HSD17B6: variants seen among roughly 807,000 people sequenced by gnomAD.
The protein encoded by HSD17B6 is hydroxysteroid 17-beta dehydrogenase 6.
In HSD17B6, 16 loss-of-function variants were observed where a neutral mutation model predicts 26.4. That is an observed-to-expected ratio of 0.61 (90% confidence interval 0.41 to 0.92). The LOEUF (loss-of-function observed/expected upper bound fraction) is 0.92, where lower values mean the gene tolerates loss of function less well. Among genes scored for constraint, HSD17B6 ranks in the 40% least tolerant of loss-of-function variants. The probability of loss-of-function intolerance (pLI) is 0.00; values close to 1 mark genes in which losing one functional copy is unlikely to be tolerated. For synonymous variants in HSD17B6, 139 were observed against 153.0 expected (o/e 0.91, Z 0.68); for missense variants, 357 against 386.1 (o/e 0.92, Z 0.63).
chr12:56,771,153 T>C (rs947257363), intron 1 of HSD17B6, among the ~76,000 whole-genome samples: 2 of 152,198 alleles, frequency 1.3e-5, no homozygotes, highest in African/African-American at 4.8e-5. Flanking sequence ...TGAGACTTTC[T>C]TGGGGCTCTA....
rs148485462 is a variant in HSD17B6 at position 56,787,747 on chromosome 12, G to A, written c.*405G>A. ...GTTTGTCCTTACTTGAAATGGGTCT[G>A]TATTATGGTACTTTTAATAAATATT... On this transcript the variant is annotated 3_prime_UTR_variant, in exon 5 of 5. Transcript: ENST00000322165. 2.1e-3 allele frequency: 322 copies of A among 154,914 alleles called. 5 individuals carry two copies. The highest frequency in any genetic ancestry group is 5.1e-3 in the East Asian group (27 of 5,248). The allele number at this position is 154,914 out of a possible 1,614,324, so 9.6% of individuals were successfully genotyped here.
chr12:56,783,975 G>T (rs1312747573), intron 3 of HSD17B6, among the ~76,000 whole-genome samples: 4 of 151,978 alleles, frequency 2.6e-5, no homozygotes, highest in Admixed American at 6.5e-5. Context: ...CAGCCGGGCA[G>T]AGATGCTCCT....
intron 2 of HSD17B6, among the ~76,000 whole-genome samples, chr12:56,781,628 C>A (rs1162137570): frequency 2.0e-5 from 3 of 152,088 alleles, no homozygotes; most frequent in African/African-American, 4.8e-5. Context: ...ATGGTGAAAC[C>A]CCATCTCTAC....
chr12:56,771,443 T>C (rs1305819263), intron 1 of HSD17B6, among the ~76,000 whole-genome samples: 2 of 143,310 alleles, frequency 1.4e-5, no homozygotes, highest in East Asian at 4.2e-4. Context: ...TCGGCAAGGG[T>C]TGCAATTTTT....
At chr12:56,766,183 A>T (rs1398565564) in intron 1 of HSD17B6, among the ~76,000 whole-genome samples, 2 of 151,960 alleles carry the variant, frequency 1.3e-5, no homozygotes, top group Non-Finnish European at 2.9e-5. Context: ...CAAATCCTAT[A>T]AAATGACCCC....
chr12:56,786,089 T>C (rs1954866994), intron 4 of HSD17B6: 1 of 269,428 alleles, frequency 3.7e-6, no homozygotes, highest in Non-Finnish European at 5.7e-6. Flanking sequence ...ACTCTGAATA[T>C]ACTAAAAATT....
chr12:56,767,359 A>G (rs1469242430), intron 1 of HSD17B6, among the ~76,000 whole-genome samples: 1 of 151,280 alleles, frequency 6.6e-6, no homozygotes, highest in Non-Finnish European at 1.5e-5. Context: ...AAAAAATAAA[A>G]AAAAAAAATT....
intron 1 of HSD17B6, among the ~76,000 whole-genome samples, chr12:56,768,642 C>T (rs1954397286): frequency 6.6e-6 from 1 of 151,406 alleles, no homozygotes; most frequent in African/African-American, 2.4e-5. Context: ...GGAAGGAGAG[C>T]TAGGTAAACA....
At chr12:56,775,931 T>A (rs919374515) in intron 2 of HSD17B6, among the ~76,000 whole-genome samples, 1 of 152,190 alleles carries the variant, frequency 6.6e-6, no homozygotes, top group African/African-American at 2.4e-5. Context: ...ATAGTTGGAA[T>A]CATATTTTTT....
At chr12:56,786,464 G>A (rs922859877) in intron 4 of HSD17B6, among the ~76,000 whole-genome samples, 1 of 152,086 alleles carries the variant, frequency 6.6e-6, no homozygotes, top group South Asian at 2.1e-4. Context: ...TGGCCATGCC[G>A]GTCTCGAACT....
At chr12:56,781,380 C>T (rs768383238) in intron 2 of HSD17B6, among the ~76,000 whole-genome samples, 6 of 152,072 alleles carry the variant, frequency 3.9e-5, no homozygotes, top group Middle Eastern at 3.4e-3. Context: ...ACTATTAAAC[C>T]TGTCTAACAA....
At chr12:56,777,017 G>T (rs1188576193) in intron 2 of HSD17B6, among the ~76,000 whole-genome samples, 1 of 152,126 alleles carries the variant, frequency 6.6e-6, no homozygotes, top group Non-Finnish European at 1.5e-5. Context: ...TTGGTTTTAT[G>T]ATTCAGTAGA....
At chr12:56,779,757 G>A (rs1292359987) in intron 2 of HSD17B6, among the ~76,000 whole-genome samples, 1 of 148,908 alleles carries the variant, frequency 6.7e-6, no homozygotes, top group Admixed American at 6.7e-5. Context: ...CTGTTTTTTG[G>A]CTCTCCAATA....
intron 1 of HSD17B6, among the ~76,000 whole-genome samples, chr12:56,767,503 G>A (rs1402488719): frequency 1.3e-5 from 2 of 148,802 alleles, no homozygotes; most frequent in Non-Finnish European, 3.0e-5. Context: ...GGGACAGAGC[G>A]AGACTCCCTC....
At chr12:56,786,891 A>AT (rs1954887257) in intron 4 of HSD17B6, among the ~76,000 whole-genome samples, 1 of 152,146 alleles carries the variant, frequency 6.6e-6, no homozygotes, top group African/African-American at 2.4e-5. Context: ...AAGAAAAATG[A>AT]TTGAGTTTTA....
intron 2 of HSD17B6, among the ~76,000 whole-genome samples, chr12:56,778,674 CTTTT>C (rs1159153527): frequency 8.1e-6 from 1 of 122,954 alleles, no homozygotes; most frequent in Admixed American, 8.2e-5. Flanking sequence ...GAGTCTTTTT[CTTTT>C]TTTTTTTTTT....
intron 1 of HSD17B6, among the ~76,000 whole-genome samples, chr12:56,764,697 C>T (rs1230442283): frequency 6.6e-6 from 1 of 152,120 alleles, no homozygotes; most frequent in Non-Finnish European, 1.5e-5. Flanking sequence ...TTTCTTTTTC[C>T]CATTTTGAAC....
intron 1 of HSD17B6, among the ~76,000 whole-genome samples, chr12:56,765,655 G>T (rs917030706): frequency 6.6e-6 from 1 of 151,126 alleles, no homozygotes; most frequent in African/African-American, 2.4e-5. Context: ...GGGACTACAG[G>T]CACTCCCCAC....
chr12:56,774,926 G>A (rs1219259445), intron 2 of HSD17B6, among the ~76,000 whole-genome samples: 1 of 152,224 alleles, frequency 6.6e-6, no homozygotes, highest in African/African-American at 2.4e-5. Context: ...CAGGCCATGG[G>A]CTGGTACCAG....
Sources: gnomAD v4.1 joint callset for allele counts (sites outside exome capture counted in the v4.1 genomes callset) on GRCh38, gnomAD v4.1.1 for gene constraint, MANE v1.5 for transcripts, NCBI Gene and HGNC (gene_info 2026-07-23, HGNC 2026-07-21) for gene names.